Variants in MVB12B observed in about 807,000 individuals in gnomAD.
MVB12B encodes the protein ESCRT-I complex subunit MVB12B.
In MVB12B, 16 loss-of-function variants were observed where a neutral mutation model predicts 41.6. The observed-to-expected ratio is 0.38, with a 90% confidence interval of 0.26 to 0.58. MVB12B has a LOEUF of 0.58. MVB12B is among the 20% of genes least tolerant of loss of function. The pLI is 0.62. For synonymous variants in MVB12B, 133 were observed against 139.7 expected (o/e 0.95, Z 0.34); for missense variants, 274 against 380.2 (o/e 0.72, Z 2.32).
chr9:126,492,214 G>C (rs1833747985), intron 9 of MVB12B, among the ~76,000 whole-genome samples: 1 of 147,486 alleles, frequency 6.8e-6, no homozygotes, highest in South Asian at 2.2e-4. Context: ...GTCTTCGCAT[G>C]TTCCTTTACA....
At chr9:126,483,613 G>A (rs1833572356) in intron 8 of MVB12B, among the ~76,000 whole-genome samples, 1 of 152,158 alleles carries the variant, frequency 6.6e-6, no homozygotes, top group South Asian at 2.1e-4. Flanking sequence ...GCGAGAAAGA[G>A]CAAACCTTGC....
intron 6 of MVB12B, among the ~76,000 whole-genome samples, chr9:126,404,489 CT>C (rs1293414710): frequency 1.3e-5 from 2 of 152,232 alleles, no homozygotes; most frequent in African/African-American, 4.8e-5. Context: ...CCTGGAAGGG[CT>C]GGTGGGTAGG....
intron 7 of MVB12B, among the ~76,000 whole-genome samples, chr9:126,422,825 T>C (rs1266892685): frequency 6.6e-6 from 1 of 152,206 alleles, no homozygotes; most frequent in Admixed American, 6.5e-5. Context: ...ATAATTCTTG[T>C]CAGTATTAGT....
chr9:126,362,821 G>A (rs1830061788), intron 2 of MVB12B, among the ~76,000 whole-genome samples: 1 of 152,192 alleles, frequency 6.6e-6, no homozygotes, highest in African/African-American at 2.4e-5. Flanking sequence ...AATGTAAATG[G>A]TACTGTTTCC....
intron 1 of MVB12B, chr9:126,335,341 A>C (rs1829244673): frequency 7.7e-7 from 1 of 1,304,162 alleles, no homozygotes; most frequent in Admixed American, 2.3e-5. Flanking sequence ...GGGTGGCCCC[A>C]AAGCCAGCTG....
intron 2 of MVB12B, among the ~76,000 whole-genome samples, chr9:126,350,457 A>G (rs565950458): frequency 6.6e-6 from 1 of 152,166 alleles, no homozygotes; most frequent in African/African-American, 2.4e-5. Flanking sequence ...CAACTTTTAT[A>G]GTTTTACATT....
intron 7 of MVB12B, among the ~76,000 whole-genome samples, chr9:126,429,835 C>T (rs1564326462): frequency 6.6e-6 from 1 of 152,146 alleles, no homozygotes; most frequent in Admixed American, 6.5e-5. Flanking sequence ...TTCTGCAGTG[C>T]GAGTGCCTCC....
chr9:126,356,801 C>G (rs138845544), intron 2 of MVB12B, among the ~76,000 whole-genome samples: 1 of 151,942 alleles, frequency 6.6e-6, no homozygotes, highest in African/African-American at 2.4e-5. Flanking sequence ...GTGGCACCTG[C>G]CTTCATTCTC....
chr9:126,419,199 G>A (rs1450210138), intron 6 of MVB12B, among the ~76,000 whole-genome samples: 1 of 152,146 alleles, frequency 6.6e-6, no homozygotes, highest in African/African-American at 2.4e-5. Context: ...GTTAGGTTGC[G>A]TGCACCTTTT....
At chr9:126,412,879 G>C (rs779809754) in intron 6 of MVB12B, among the ~76,000 whole-genome samples, 1 of 152,196 alleles carries the variant, frequency 6.6e-6, no homozygotes, top group Non-Finnish European at 1.5e-5. Context: ...TTACTTAACA[G>C]CCAGTCTTTG....
At chr9:126,330,023 A>G (rs1203192876) in intron 1 of MVB12B, among the ~76,000 whole-genome samples, 2 of 151,738 alleles carry the variant, frequency 1.3e-5, no homozygotes, top group South Asian at 4.2e-4. Flanking sequence ...GGTTTGCCAG[A>G]GTCAGGTCTC....
chr9:126,482,710 C>G (rs1324098369), intron 8 of MVB12B, among the ~76,000 whole-genome samples: 1 of 152,240 alleles, frequency 6.6e-6, no homozygotes, highest in African/African-American at 2.4e-5. Context: ...CACACTGTTC[C>G]GTGGCTACCG....
At position 126,488,179 on chromosome 9, in the gene MVB12B, T is replaced by C. The variant is rs189821191; in HGVS notation, c.873+4147T>C. ...GCTGTCACTCTTGGACTCTGCAGGT[T>C]TGGCCCTGGAGTGGGCTGTGTTCCC... is the stretch of plus-strand genomic sequence containing the variant. On this transcript the variant is annotated intron_variant, in intron 9 of 9. Coordinates refer to ENST00000361171, the MANE Select transcript of MVB12B (RefSeq NM_033446.3). Among the ~76,000 whole-genome samples the C allele has an allele frequency of 1.8e-3, 276 of 152,230 alleles. 1 individual carries two copies. The highest frequency in any genetic ancestry group is 6.3e-3 in the African/African-American group (263 of 41,536).
intron 9 of MVB12B, among the ~76,000 whole-genome samples, chr9:126,500,631 T>C (rs950526343): frequency 1.3e-5 from 2 of 152,248 alleles, no homozygotes; most frequent in African/African-American, 2.4e-5. Context: ...CGGGGACTGG[T>C]GTGCGTTCAG....
intron 9 of MVB12B, among the ~76,000 whole-genome samples, chr9:126,501,129 C>G (rs906319135): frequency 5.9e-5 from 9 of 152,258 alleles, no homozygotes; most frequent in African/African-American, 2.2e-4. Context: ...CCGGAGTCTC[C>G]TGACCGCGGC....
intron 6 of MVB12B, among the ~76,000 whole-genome samples, chr9:126,403,132 A>C (rs1427520752): frequency 6.6e-6 from 1 of 152,182 alleles, no homozygotes; most frequent in East Asian, 1.9e-4. Context: ...TGATAACTGC[A>C]CTGGGGTTTT....
chr9:126,367,159 C>T lies in MVB12B; in HGVS notation c.205-13905C>T, dbSNP rs1830204900. Among the ~76,000 whole-genome samples the T allele has an allele frequency of 6.6e-6, 1 of 152,152 alleles. No homozygotes were observed. The highest frequency in any genetic ancestry group is 2.4e-5 in the African/African-American group (1 of 41,436). The stretch of plus-strand genomic sequence containing the variant: ...CTTGACGCGGGTAGTTTCTTCTAAG[C>T]AGTCTCTGGTGCCTCCCATCTCGAC... On this transcript the variant is annotated intron_variant, in intron 2 of 9. Transcript: ENST00000361171. The surrounding 1 kb of genome is among the most constrained non-coding windows in gnomAD (Gnocchi z 4.3).
At position 126,389,629 on chromosome 9, in the gene MVB12B, C is replaced by T. The variant is rs909376556; in HGVS notation, c.410-2437C>T. Among the ~76,000 whole-genome samples the T allele has an allele frequency of 2.6e-5, 4 of 152,280 alleles. No homozygotes were observed. The highest frequency in any genetic ancestry group is 2.1e-4 in the South Asian group (1 of 4,816). The stretch of plus-strand genomic sequence containing the variant: ...GCGTGGCAACAGCAAGTGAAACACC[C>T]GGCGTTAGTTTTCTTTGTGTAAAGG... On this transcript the variant is annotated intron_variant, in intron 4 of 9. Transcript: ENST00000361171. The surrounding 1 kb of genome is among the most constrained non-coding windows in gnomAD (Gnocchi z 4.4).
At chr9:126,503,041 C>T in intron 9 of MVB12B, 136 bp from the exon 10 acceptor site, 1 of 787,040 alleles carries the variant, frequency 1.3e-6, no homozygotes, top group South Asian at 1.5e-5. Context: ...TGGCACCGGC[C>T]TGGCCAGCTG....
Sources: gnomAD v4.1 joint callset for allele counts (sites outside exome capture counted in the v4.1 genomes callset) on GRCh38, gnomAD v4.1.1 for gene constraint, Gnocchi (gnomAD v3.1) non-coding constraint, MANE v1.5 for transcripts, NCBI Gene and HGNC (gene_info 2026-07-23, HGNC 2026-07-21) for gene names.